The following CFAP20DC variants were observed in gnomAD, a reference collection of about 807,000 sequenced individuals.
CFAP20DC encodes the protein protein CFAP20DC.
CFAP20DC carries 84 observed loss-of-function variants against 101.7 expected under a neutral mutation model. The observed-to-expected ratio is 0.83, with a 90% CI of 0.69 to 0.99. The LOEUF (loss-of-function observed/expected upper bound fraction) is 0.99, where lower values mean the gene tolerates loss of function less well. Ranked by LOEUF, CFAP20DC falls within the 50% of genes least tolerant of loss-of-function variation. The pLI is 0.00. For synonymous variants in CFAP20DC, 359 were observed against 351.2 expected (o/e 1.02, Z -0.25); for missense variants, 1,007 against 970.3 (o/e 1.04, Z -0.50).
intron 13 of CFAP20DC, among the ~76,000 whole-genome samples, chr3:58,840,690 T>G (rs1312209502): frequency 1.3e-5 from 2 of 152,206 alleles, no homozygotes; most frequent in Non-Finnish European, 2.9e-5. Context: ...TCATTTGCTT[T>G]AGAATGCCAG....
chr3:58,822,597 A>G (rs1370165704), intron 14 of CFAP20DC, among the ~76,000 whole-genome samples: 1 of 152,142 alleles, frequency 6.6e-6, no homozygotes, highest in African/African-American at 2.4e-5. Flanking sequence ...TAAAAAAAAA[A>G]AAGACTATAC....
chr3:58,801,417 T>C (rs75381712), intron 15 of CFAP20DC, among the ~76,000 whole-genome samples: 2,189 of 152,328 alleles, frequency 0.014, 23 homozygotes, highest in Middle Eastern at 0.02. Flanking sequence ...AAATCCTCTG[T>C]CATGTCTTGG....
chr3:58,844,190 A>C (rs1345815448), intron 13 of CFAP20DC, among the ~76,000 whole-genome samples: 1 of 133,612 alleles, frequency 7.5e-6, no homozygotes, highest in Admixed American at 7.5e-5. Context: ...AAATGGACTA[A>C]ATGCTCCAAT....
chr3:58,821,171 G>C (rs1276412112), intron 14 of CFAP20DC, among the ~76,000 whole-genome samples: 3 of 151,936 alleles, frequency 2.0e-5, no homozygotes, highest in African/African-American at 7.3e-5. Flanking sequence ...TTAAACGTTA[G>C]ACCTAAAACC....
At chr3:58,818,511 C>T (rs1311276346) in intron 14 of CFAP20DC, among the ~76,000 whole-genome samples, 2 of 151,508 alleles carry the variant, frequency 1.3e-5, no homozygotes, top group Non-Finnish European at 2.9e-5. Context: ...ATAAAACAGA[C>T]TTTAAACCAA....
rs767228134 is a variant in CFAP20DC at position 58,864,613 on chromosome 3, C to G, written c.1259-721G>C. On this transcript the variant is annotated intron_variant, in intron 11 of 16. Transcript: ENST00000482387. This position sits in a 1 kb window ranked among gnomAD's most constrained non-coding sequence, Gnocchi z 4.7. Reference sequence around the variant, plus strand: ...ACTGCAGGAGGACAGAGTACTTAACCAGCTTCTTTAAAAAAATATCTGGTC... The same window carrying G: ...ACTGCAGGAGGACAGAGTACTTAACGAGCTTCTTTAAAAAAATATCTGGTC... Among the ~76,000 whole-genome samples the G allele has an allele frequency of 5.3e-5, 8 of 152,072 alleles. No individual in the cohort carries two copies. The highest frequency in any genetic ancestry group is 1.0e-4 in the Non-Finnish European group (7 of 68,004).
At chr3:58,838,784 C>T (rs945990814) in intron 13 of CFAP20DC, among the ~76,000 whole-genome samples, 5 of 152,104 alleles carry the variant, frequency 3.3e-5, no homozygotes, top group East Asian at 1.9e-4. Context: ...TTAAGTTTCC[C>T]GCACCTATCT....
At position 58,806,440 on chromosome 3, in the gene CFAP20DC, C is replaced by A. The variant is rs766560118; in HGVS notation, c.2192G>T (p.Arg731Leu). 1 of 1,611,804 alleles carries A rather than the reference C, an allele frequency of 6.2e-7. No individual in the cohort carries two copies. Among genetic ancestry groups the A allele is most frequent in the Non-Finnish European group, 8.5e-7 (1 of 1,178,112 alleles). The change falls in exon 15 of 17, where the codon CGC (arginine) becomes CTC (leucine). Residue 731 changes from arginine to leucine, a missense_variant. Physicochemically the swap from Arg to Leu is moderately radical, Grantham distance 102. Transcript: ENST00000482387. ...TGGGTTCATTTCTTTCTGATAGTGG[C>A]GACCCTGGTTGACAGGCTGGAAAAG... The part of the protein sequence containing the change: ...SCLPPPVNQG[R>L]HYQKEMNPPS...
chr3:58,993,033 G>A (rs896647751), intron 4 of CFAP20DC, among the ~76,000 whole-genome samples: 1 of 152,040 alleles, frequency 6.6e-6, no homozygotes, highest in Non-Finnish European at 1.5e-5. Context: ...AATCAGATCC[G>A]GAGCTACAAA....
chr3:58,890,316 C>T (rs1308713265), intron 6 of CFAP20DC, among the ~76,000 whole-genome samples: 4 of 145,070 alleles, frequency 2.8e-5, no homozygotes, highest in Admixed American at 6.8e-5. Context: ...GGGCTGACCC[C>T]CCCACCTCCC....
At chr3:59,016,687 AAC>A (rs1263785245) in intron 4 of CFAP20DC, among the ~76,000 whole-genome samples, 2 of 152,030 alleles carry the variant, frequency 1.3e-5, no homozygotes, top group East Asian at 1.9e-4. Context: ...AAGGTTTAAA[AAC>A]AGTTTTTTAA....
chr3:58,746,286 A>G (rs1342224481), intron 16 of CFAP20DC, among the ~76,000 whole-genome samples: 1 of 152,192 alleles, frequency 6.6e-6, no homozygotes, highest in Non-Finnish European at 1.5e-5. Context: ...AAATGATTAT[A>G]AGTGAAACTC....
At position 59,001,434 on chromosome 3, in the gene CFAP20DC, C is replaced by T. The variant is rs1393667670; in HGVS notation, c.278+38123G>A. Reference sequence around the variant, plus strand: ...CTTCTCTCTCTCCTCTCTTAAGTTTCACACTTATTGTCCAGGCTGGAGTGC... The same window carrying T: ...CTTCTCTCTCTCCTCTCTTAAGTTTTACACTTATTGTCCAGGCTGGAGTGC... On this transcript the variant is annotated intron_variant, in intron 4 of 16. Transcript: ENST00000482387. The surrounding 1 kb of genome is among the most constrained non-coding windows in gnomAD (Gnocchi z 4.5). 6.6e-6 allele frequency among the ~76,000 whole-genome samples: 1 copy of T among 152,138 alleles called. No individual in the cohort carries two copies. Among genetic ancestry groups the T allele is most frequent in the Admixed American group, 6.6e-5 (1 of 15,260 alleles).
At position 58,897,956 on chromosome 3, in the gene CFAP20DC, G is replaced by A. The variant is rs963871149; in HGVS notation, c.551-13247C>T. 2.0e-5 allele frequency among the ~76,000 whole-genome samples: 3 copies of A among 152,124 alleles called. No homozygotes were observed. Among genetic ancestry groups the A allele is most frequent in the Non-Finnish European group, 2.9e-5 (2 of 68,012 alleles). On this transcript the variant is annotated intron_variant, in intron 6 of 16. Transcript: ENST00000482387. This position sits in a 1 kb window ranked among gnomAD's most constrained non-coding sequence, Gnocchi z 4.4. The stretch of plus-strand genomic sequence containing the variant: ...CTAGGTTGGGGAATTTCTCCTGGAT[G>A]CTATCCTGAAATATGTTTTCCAACT...
downstream of CFAP20DC, among the ~76,000 whole-genome samples, chr3:58,740,216 C>T (rs781604822): frequency 1.1e-4 from 16 of 152,038 alleles, no homozygotes; most frequent in Non-Finnish European, 1.5e-4. This position sits in a 1 kb window ranked among gnomAD's most constrained non-coding sequence, Gnocchi z 4.6. Flanking sequence ...CAGAGATGAG[C>T]GGCAGAGCCA....
At chr3:58,765,156 A>G (rs1158340706) in intron 15 of CFAP20DC, among the ~76,000 whole-genome samples, 1 of 152,160 alleles carries the variant, frequency 6.6e-6, no homozygotes, top group African/African-American at 2.4e-5. Flanking sequence ...CAGTTAAGAC[A>G]GACTATGGCT....
chr3:58,794,447 G>A (rs1016935042), intron 15 of CFAP20DC: 3 of 394,226 alleles, frequency 7.6e-6, no homozygotes, highest in Non-Finnish European at 1.1e-5. Flanking sequence ...AAACAGCCTG[G>A]ACTGTTGACT....
intron 6 of CFAP20DC, chr3:58,887,308 A>T (rs1048285569): frequency 6.6e-6 from 1 of 152,196 alleles, no homozygotes; most frequent in African/African-American, 2.4e-5. Context: ...ATACTTCAAA[A>T]CTCCTTTGAG....
Position 58,718,427 on chromosome 3 carries a change from A to G in CFAP20DC, c.198-799T>C, listed in dbSNP as rs180748981. ...CCCTGCAACAGTGGGAGGCTTAGAA[A>G]AGCTAAGACTCCAGGCCTCCCCTTC... On this transcript the variant is annotated intron_variant, in intron 3 of 3. Transcript: ENST00000486145. Among the ~76,000 whole-genome samples, 606 of 152,258 alleles carry G rather than the reference A, an allele frequency of 4.0e-3. 8 individuals carry two copies. The highest frequency in any genetic ancestry group is 0.013 in the African/African-American group (546 of 41,554).
Sources: gnomAD v4.1 joint callset for allele counts (sites outside exome capture counted in the v4.1 genomes callset) on GRCh38, gnomAD v4.1.1 for gene constraint, Gnocchi (gnomAD v3.1) non-coding constraint, MANE v1.5 for transcripts, NCBI Gene and HGNC (gene_info 2026-07-23, HGNC 2026-07-21) for gene names.